KIF1B: variants seen among roughly 807,000 people sequenced by gnomAD.
KIF1B encodes kinesin-like protein KIF1B.
Under a neutral mutation model 241.9 loss-of-function variants are expected in KIF1B, and 76 were observed. The observed-to-expected ratio is 0.31, with a 90% confidence interval of 0.26 to 0.38. KIF1B has a LOEUF of 0.38. KIF1B is among the 10% of genes least tolerant of loss of function. The pLI is 1.00. For synonymous variants in KIF1B, 750 were observed against 796.7 expected (o/e 0.94, Z 0.99); for missense variants, 1,622 against 2,271.4 (o/e 0.71, Z 5.81).
chr1:10,273,068 C>T, intron 10 of KIF1B, 37 bp downstream of exon 10: 1 of 1,492,904 alleles, frequency 6.7e-7, no homozygotes, highest in Non-Finnish European at 9.1e-7. Flanking sequence ...CTAGAATTGA[C>T]TTTTATGTTT....
intron 1 of KIF1B, among the ~76,000 whole-genome samples, chr1:10,224,129 G>A (rs1282315156): frequency 6.6e-6 from 1 of 151,826 alleles, no homozygotes; most frequent in Non-Finnish European, 1.5e-5. Flanking sequence ...TTGTTTGTTT[G>A]TTTGAGATGG....
At chr1:10,284,079 A>G (rs757650712) in intron 15 of KIF1B, among the ~76,000 whole-genome samples, 3 of 152,172 alleles carry the variant, frequency 2.0e-5, no homozygotes, top group Admixed American at 1.3e-4. Flanking sequence ...ACTTACTTCA[A>G]AAGTACAGTG....
chr1:10,261,658 A>C (rs998646116), intron 4 of KIF1B, among the ~76,000 whole-genome samples: 1 of 152,154 alleles, frequency 6.6e-6, no homozygotes, highest in African/African-American at 2.4e-5. Flanking sequence ...GGTGACAGGA[A>C]TTTTCCAGCT....
chr1:10,230,153 C>T (rs1301366396), intron 1 of KIF1B, among the ~76,000 whole-genome samples: 5 of 151,870 alleles, frequency 3.3e-5, no homozygotes, highest in South Asian at 2.1e-4. Context: ...GTAGCCTGGA[C>T]GGGTAGGGCA....
intron 2 of KIF1B, among the ~76,000 whole-genome samples, chr1:10,247,162 GT>G (rs34774098): frequency 0.036 from 5,520 of 152,274 alleles, 344 homozygotes; most frequent in African/African-American, 0.12. Flanking sequence ...ACTGCGACCA[GT>G]CCTTATCACT....
chr1:10,218,202 C>T (rs1381155799), intron 1 of KIF1B, among the ~76,000 whole-genome samples: 1 of 152,288 alleles, frequency 6.6e-6, no homozygotes, highest in African/African-American at 2.4e-5. Context: ...TCCTGCCCCC[C>T]ACTTCATGGA....
chr1:10,378,678 A>G lies in KIF1B; in HGVS notation c.*2091A>G. ...CGCCTCTGCAGAGTTGTTGCTAGGG[A>G]GACTTGTGTCATCATCCACAACCTT... is the stretch of plus-strand genomic sequence containing the variant. On this transcript the variant is annotated 3_prime_UTR_variant, in exon 49 of 49. Coordinates refer to ENST00000676179, the MANE Select transcript of KIF1B (RefSeq NM_001365951.3). 2.1e-6 allele frequency: 1 copy of G among 483,188 alleles called. No homozygotes were observed. The highest frequency in any genetic ancestry group is 3.7e-6 in the Non-Finnish European group (1 of 266,816). 29.9% of individuals were successfully genotyped at this position (483,188 alleles called of 1,614,324 possible).
At position 10,378,160 on chromosome 1, in the gene KIF1B, C is replaced by T. The variant is rs2102367850; in HGVS notation, c.*1573C>T. 1 of 600,152 alleles carries T rather than the reference C, an allele frequency of 1.7e-6. No homozygotes were observed. The highest frequency in any genetic ancestry group is 2.8e-5 in the East Asian group (1 of 36,172). 37.2% of individuals were successfully genotyped at this position (600,152 alleles called of 1,614,324 possible). A position where few individuals can be genotyped will look rare whatever the true frequency, so the allele number is the denominator to read the frequency against. Reference sequence around the variant, plus strand: ...TGCTTTCTGGATCCCAGGATTAAAACTAACCGTGACCACTACTCCAAACAA... The same window carrying T: ...TGCTTTCTGGATCCCAGGATTAAAATTAACCGTGACCACTACTCCAAACAA... On this transcript the variant is annotated 3_prime_UTR_variant, in exon 49 of 49. Coordinates refer to ENST00000676179, the MANE Select transcript of KIF1B (RefSeq NM_001365951.3).
intron 1 of KIF1B, among the ~76,000 whole-genome samples, chr1:10,214,542 C>A (rs536941263): frequency 6.6e-6 from 1 of 151,346 alleles, no homozygotes; most frequent in Non-Finnish European, 1.5e-5. Flanking sequence ...CCTGCCTTGG[C>A]CTCCCAAAGT....
chr1:10,319,976 C>G (rs1651457835), intron 22 of KIF1B, 67 bp from the exon 23 acceptor site: 2 of 998,148 alleles, frequency 2.0e-6, no homozygotes, highest in African/African-American at 3.2e-5. Context: ...ATATTCCTTC[C>G]ATTTCTCTTT....
chr1:10,227,375 A>C (rs952099712), intron 1 of KIF1B, among the ~76,000 whole-genome samples: 1 of 152,048 alleles, frequency 6.6e-6, no homozygotes, highest in African/African-American at 2.4e-5. Flanking sequence ...CAATTATGCT[A>C]TTTGTTTGAA....
At position 10,365,608 on chromosome 1, in the gene KIF1B, T is replaced by C; in HGVS notation, c.4712T>C (p.Ile1571Thr). The C allele has an allele frequency of 6.2e-7, 1 of 1,614,122 alleles. No homozygotes were observed. Among genetic ancestry groups the C allele is most frequent in the Non-Finnish European group, 8.5e-7 (1 of 1,180,020 alleles). Reference protein sequence around the residue: ...SESSGYDSGDIESLVDREKEL... With the variant: ...SESSGYDSGDTESLVDREKEL... ...AGCAGTGGCTATGATTCAGGAGACA[T>C]CGAAAGCCTGGTGGACCGAGAGAAA... The change falls in exon 43 of 49, where the codon ATC becomes ACC. Residue 1571 changes from isoleucine to threonine, a missense_variant. Physicochemically the swap from Ile to Thr is moderately conservative, Grantham distance 89. Coordinates refer to ENST00000676179, the MANE Select transcript of KIF1B (RefSeq NM_001365951.3). The surrounding 1 kb of genome is among the most constrained non-coding windows in gnomAD (Gnocchi z 4.0).
At chr1:10,271,025 G>T (rs1293521439) in intron 7 of KIF1B, among the ~76,000 whole-genome samples, 1 of 151,592 alleles carries the variant, frequency 6.6e-6, no homozygotes, top group Non-Finnish European at 1.5e-5. Context: ...TGTTCCAGTT[G>T]CTTAAAGCTT....
At chr1:10,284,558 C>T (rs192571707) in intron 15 of KIF1B, among the ~76,000 whole-genome samples, 5 of 152,118 alleles carry the variant, frequency 3.3e-5, no homozygotes, top group East Asian at 1.9e-4. Context: ...TGGTGGCACA[C>T]GCCTGTAATC....
chr1:10,219,486 A>C (rs1416141808), intron 1 of KIF1B, among the ~76,000 whole-genome samples: 3 of 141,388 alleles, frequency 2.1e-5, no homozygotes, highest in Admixed American at 1.4e-4. Context: ...GCCAGGCCTT[A>C]TGGCTCACGC....
intron 39 of KIF1B, 139 bp from the exon 40 acceptor site, chr1:10,361,553 G>A (rs942768304): frequency 1.1e-5 from 10 of 927,470 alleles, no homozygotes; most frequent in Non-Finnish European, 1.8e-5. Context: ...TATCCATTGG[G>A]TGGCTGTTGA....
Position 10,320,249 on chromosome 1 carries a change from A to G in KIF1B, c.2209+113A>G, listed in dbSNP as rs559026216. ...TTCCTCTTAGTTGGCCCTATCATTT[A>G]TTGACATTTTACTGAGCCAGTTTAC... is the stretch of plus-strand genomic sequence containing the variant. On this transcript the variant is annotated intron_variant, in intron 23 of 48. Transcript: ENST00000676179. The G allele has an allele frequency of 2.1e-5, 15 of 708,880 alleles. No homozygotes were observed. In the South Asian group the frequency reaches 2.2e-4, roughly 10 times the overall value. 43.9% of individuals were successfully genotyped at this position (708,880 alleles called of 1,614,324 possible).
At chr1:10,254,054 A>G (rs1647618832) in intron 2 of KIF1B, among the ~76,000 whole-genome samples, 1 of 152,222 alleles carries the variant, frequency 6.6e-6, no homozygotes, top group Non-Finnish European at 1.5e-5. Flanking sequence ...AGATTGGTTG[A>G]GATATCCAGT....
chr1:10,214,163 T>G (rs1240544828), intron 1 of KIF1B, among the ~76,000 whole-genome samples: 1 of 152,154 alleles, frequency 6.6e-6, no homozygotes, highest in African/African-American at 2.4e-5. Context: ...GTTGAACTGT[T>G]TGGTTAACGG....
Sources: allele counts gnomAD v4.1 joint callset (sites outside exome capture counted in the v4.1 genomes callset), GRCh38; gene constraint gnomAD v4.1.1; non-coding constraint Gnocchi (gnomAD v3.1); transcripts MANE v1.5; gene names NCBI Gene and HGNC (gene_info 2026-07-23, HGNC 2026-07-21).